CORO7: variants seen among roughly 807,000 people sequenced by gnomAD.
CORO7 encodes coronin 7.
In CORO7, 107 loss-of-function variants were observed where a neutral mutation model predicts 126.6. That is an observed-to-expected ratio of 0.85 (90% CI 0.72 to 0.99). The LOEUF (loss-of-function observed/expected upper bound fraction) is 0.99, where lower values mean the gene tolerates loss of function less well. Among genes scored for constraint, CORO7 ranks in the 50% least tolerant of loss-of-function variants. The pLI is 0.00. For missense variants in CORO7, 1,314 were observed against 1,255.8 expected (o/e 1.05, Z -0.70); for synonymous variants, 603 against 536.8 (o/e 1.12, Z -1.70).
chr16:4,398,839 G>A (rs1226971514), intron 6 of CORO7, among the ~76,000 whole-genome samples: 1 of 151,986 alleles, frequency 6.6e-6, no homozygotes, highest in Non-Finnish European at 1.5e-5. Context: ...TTGGTGGTGT[G>A]AGACTGTGTT....
At chr16:4,360,591 C>T in intron 19 of CORO7, 43 bp from the exon 20 acceptor site, 2 of 1,550,474 alleles carry the variant, frequency 1.3e-6, no homozygotes, top group Non-Finnish European at 8.7e-7. Context: ...TGCTTCACTG[C>T]TGGCCCCACC....
At chr16:4,391,642 G>A (rs2055394483) in intron 7 of CORO7, among the ~76,000 whole-genome samples, 1 of 152,248 alleles carries the variant, frequency 6.6e-6, no homozygotes, top group South Asian at 2.1e-4. Flanking sequence ...GACGCAGGAG[G>A]ATTGCTTGAG....
intron 3 of CORO7, among the ~76,000 whole-genome samples, chr16:4,410,759 C>G (rs548692654): frequency 1.3e-5 from 2 of 152,150 alleles, no homozygotes; most frequent in Admixed American, 6.6e-5. Context: ...AAGGGCAAGG[C>G]GGTAAATATT....
At chr16:4,360,722 GCC>G (rs548493392) in intron 19 of CORO7, among the ~76,000 whole-genome samples, 174 bp from the exon 20 acceptor site, 1 of 130,236 alleles carries the variant, frequency 7.7e-6, no homozygotes, top group Non-Finnish European at 1.6e-5. Flanking sequence ...CTCACTGCTG[GCC>G]CCCCTTCTCC....
At position 4,416,562 on chromosome 16, in the gene CORO7, G is replaced by T. The variant is rs769580586; in HGVS notation, c.-44C>A. 6.4e-7 allele frequency: 1 copy of T among 1,569,986 alleles called. No homozygotes were observed. The highest frequency in any genetic ancestry group is 8.6e-7 in the Non-Finnish European group (1 of 1,161,966). On this transcript the variant is annotated 5_prime_UTR_variant, in exon 1 of 28. Coordinates refer to ENST00000251166, the MANE Select transcript of CORO7 (RefSeq NM_024535.5). ...GGACGCGTCTTCGAGGACCCCGGGC[G>T]TCGGGTCTCAGGTGCACGCTGAGCA...
At chr16:4,377,081 GT>G (rs2141231991) in intron 9 of CORO7, among the ~76,000 whole-genome samples, 1 of 152,276 alleles carries the variant, frequency 6.6e-6, no homozygotes, top group Admixed American at 6.5e-5. Flanking sequence ...GGTAGGGGTC[GT>G]GGCCGGGCTG....
Position 4,362,533 on chromosome 16 carries a change from G to C in CORO7, c.1402+79C>G. On this transcript the variant is annotated intron_variant, in intron 15 of 27. Transcript: ENST00000251166. This position sits in a 1 kb window ranked among gnomAD's most constrained non-coding sequence, Gnocchi z 5.3. ...TGCATGAGGCCTGTGCTCAGCAGTA[G>C]GGTACACAGGAGGATGACGGGGAGT... The C allele has an allele frequency of 1.4e-6, 2 of 1,473,812 alleles. No individual in the cohort carries two copies. Among genetic ancestry groups the C allele is most frequent in the Non-Finnish European group, 1.8e-6 (2 of 1,113,556 alleles). The allele number at this position is 1,473,812 out of a possible 1,614,324, so 91.3% of individuals were successfully genotyped here. A position where few individuals can be genotyped will look rare whatever the true frequency, so the allele number is the denominator to read the frequency against.
rs1328922565 is a variant in CORO7 at position 4,354,895 on chromosome 16, G to A, written c.*263C>T. The A allele has an allele frequency of 2.3e-6, 1 of 436,674 alleles. No individual in the cohort carries two copies. 27.0% of individuals were successfully genotyped at this position (436,674 alleles called of 1,614,324 possible). A position where few individuals can be genotyped will look rare whatever the true frequency, so the allele number is the denominator to read the frequency against. ...CCCAGGGCCTGCCCAGGGACATGCTGCTGACCCCCCGCCACCCTGCACCCC... is the reference window on the plus strand; with the variant it reads ...CCCAGGGCCTGCCCAGGGACATGCTACTGACCCCCCGCCACCCTGCACCCC... On this transcript the variant is annotated 3_prime_UTR_variant, in exon 28 of 28. Transcript: ENST00000251166.
At chr16:4,414,950 T>G (rs2056352048) in intron 1 of CORO7, among the ~76,000 whole-genome samples, 1 of 152,132 alleles carries the variant, frequency 6.6e-6, no homozygotes, top group East Asian at 1.9e-4. Context: ...CAACCTCCAC[T>G]TCCTCGGCTC....
chr16:4,372,588 G>A (rs937856066), intron 9 of CORO7, among the ~76,000 whole-genome samples: 1 of 152,212 alleles, frequency 6.6e-6, no homozygotes, highest in Non-Finnish European at 1.5e-5. Context: ...CAGGGTGCCG[G>A]GTCTCTGCCT....
In CORO7 at chr16:4,403,087, C is replaced by T. The variant is rs76879884; in HGVS notation, c.564+2404G>A. 8.5e-3 allele frequency among the ~76,000 whole-genome samples: 1,288 copies of T among 152,180 alleles called. 13 individuals carry two copies. The highest frequency in any genetic ancestry group is 0.031 in the Middle Eastern group (9 of 294). ...CCCCACCCCCATCCCCATCAGGCAG[C>T]CCGTGGCATGAGCAGCTCCAGTGCA... On this transcript the variant is annotated intron_variant, in intron 6 of 27. Coordinates refer to ENST00000251166, the MANE Select transcript of CORO7 (RefSeq NM_024535.5).
chr16:4,365,393 C>T, intron 10 of CORO7, 98 bp downstream of exon 10: 1 of 1,506,266 alleles, frequency 6.6e-7, no homozygotes, highest in Non-Finnish European at 9.0e-7. Context: ...CAGGGGAAGA[C>T]ACAGAGGCCC....
chr16:4,365,463 T>G, intron 10 of CORO7, 28 bp downstream of exon 10: 1 of 1,555,778 alleles, frequency 6.4e-7, no homozygotes, highest in Non-Finnish European at 8.7e-7. Context: ...GCTGTGGATG[T>G]GGGTGGGAGC....
chr16:4,405,066 G>A (rs2055946900), intron 6 of CORO7, among the ~76,000 whole-genome samples: 1 of 152,142 alleles, frequency 6.6e-6, no homozygotes, highest in Admixed American at 6.5e-5. Flanking sequence ...TGTCCCTCTT[G>A]CAGAGCCCAG....
At chr16:4,382,440 G>A (rs143979438) in intron 9 of CORO7, 107 of 1,610,094 alleles carry the variant, frequency 6.6e-5, no homozygotes, top group South Asian at 7.7e-5. Flanking sequence ...CTGAGTACAC[G>A]GTCACCCAGC....
chr16:4,381,851 A>G lies in CORO7; in HGVS notation c.785+6135T>C, dbSNP rs779202156. On this transcript the variant is annotated intron_variant, in intron 9 of 27. Transcript: ENST00000251166. ...CACGTCACACTGGCCAGCCCTGAGG[A>G]GACGCGCTGCCACTTCCCGCCCAAG... The G allele has an allele frequency of 1.2e-6, 2 of 1,602,166 alleles. No individual in the cohort carries two copies. Among genetic ancestry groups the G allele is most frequent in the Non-Finnish European group, 8.5e-7 (1 of 1,179,738 alleles).
chr16:4,391,625 G>T (rs997160090), intron 7 of CORO7, among the ~76,000 whole-genome samples: 1 of 152,246 alleles, frequency 6.6e-6, no homozygotes, highest in Non-Finnish European at 1.5e-5. Flanking sequence ...CAGCTACCAG[G>T]GAGGCTGACG....
chr16:4,412,170 C>T (rs1027391467), intron 3 of CORO7, among the ~76,000 whole-genome samples, 186 bp downstream of exon 3: 4 of 152,062 alleles, frequency 2.6e-5, no homozygotes, highest in Non-Finnish European at 4.4e-5. Flanking sequence ...CCTCACTGCC[C>T]AGGCCGGAAT....
Position 4,362,997 on chromosome 16 carries a change from A to G in CORO7, c.1276-259T>C. ...CAGGAGGGTGTGCCCAGTGGGTTAG[A>G]TCTGCCAGTATTTTAAGAGAAGCCA... On this transcript the variant is annotated intron_variant, in intron 14 of 27. Transcript: ENST00000251166. This position sits in a 1 kb window ranked among gnomAD's most constrained non-coding sequence, Gnocchi z 5.3. 5.3e-6 allele frequency: 2 copies of G among 379,338 alleles called. No individual in the cohort carries two copies. The highest frequency in any genetic ancestry group is 4.5e-5 in the Admixed American group (1 of 22,034). The allele number at this position is 379,338 out of a possible 1,614,324, so 23.5% of individuals were successfully genotyped here.
Sources: gnomAD v4.1 joint callset for allele counts (sites outside exome capture counted in the v4.1 genomes callset) on GRCh38, gnomAD v4.1.1 for gene constraint, Gnocchi (gnomAD v3.1) non-coding constraint, MANE v1.5 for transcripts, NCBI Gene and HGNC (gene_info 2026-07-23, HGNC 2026-07-21) for gene names.